PPHLN1: variants seen among roughly 807,000 people sequenced by gnomAD.
PPHLN1 encodes the protein periphilin 1, also known as periphilin-1.
In PPHLN1, 29 loss-of-function variants were observed where a neutral mutation model predicts 51.3. The ratio of observed to expected loss-of-function variants is 0.57; its 90% CI spans 0.42 to 0.77. The LOEUF (loss-of-function observed/expected upper bound fraction) is 0.77, where lower values mean the gene tolerates loss of function less well. Ranked by LOEUF, PPHLN1 falls within the 30% of genes least tolerant of loss-of-function variation. PPHLN1 has a pLI of 0.00. For synonymous variants in PPHLN1, 147 were observed against 147.8 expected (o/e 0.99, Z 0.04); for missense variants, 436 against 438.4 (o/e 0.99, Z 0.05).
At chr12:42,342,288 C>G (rs1307212877) in intron 2 of PPHLN1, among the ~76,000 whole-genome samples, 1 of 152,142 alleles carries the variant, frequency 6.6e-6, no homozygotes, top group Non-Finnish European at 1.5e-5. Context: ...CAGGGTCTTG[C>G]TATGTCATCC....
At chr12:42,361,409 T>C (rs954845801) in intron 4 of PPHLN1, 1 of 152,228 alleles carries the variant, frequency 6.6e-6, no homozygotes, top group Admixed American at 6.5e-5. Flanking sequence ...TAATGGGTGG[T>C]TAGCCCATTC....
At chr12:42,425,408 A>G (rs1165464487) in intron 9 of PPHLN1, among the ~76,000 whole-genome samples, 1 of 128,062 alleles carries the variant, frequency 7.8e-6, no homozygotes, top group Non-Finnish European at 1.6e-5. Flanking sequence ...TTTTATTGAG[A>G]TGGAGTCTTG....
At position 42,351,726 on chromosome 12, in the gene PPHLN1, AC is replaced by A. The variant is rs147156221; in HGVS notation, c.73-157del. Among the ~76,000 whole-genome samples, 1,138 of 152,254 alleles carry A rather than the reference AC, an allele frequency of 7.5e-3. 37 individuals are homozygous for A. The East Asian group carries it at 0.11, about 14-fold the overall frequency. On this transcript the variant is annotated intron_variant, in intron 2 of 9. Transcript: ENST00000358314. ...TTGATTTCCTTTAATCCATGTGAAG[AC>A]CTTAGTATTAGTTATATTTATGTTA...
chr12:42,399,193 T>G, intron 9 of PPHLN1, 199 bp downstream of exon 9: 1 of 1,231,720 alleles, frequency 8.1e-7, no homozygotes, highest in Non-Finnish European at 1.0e-6. Flanking sequence ...TGTTTATTTT[T>G]AAATAAAAAA....
At chr12:42,445,263 T>A (rs1206437000), downstream of PPHLN1, 3 of 597,176 alleles carry the variant, frequency 5.0e-6, no homozygotes, top group Non-Finnish European at 8.9e-6. Flanking sequence ...ATCACATCAA[T>A]TTTTCCACCA....
intron 9 of PPHLN1, among the ~76,000 whole-genome samples, chr12:42,421,719 A>G (rs2081025073): frequency 6.6e-6 from 1 of 152,196 alleles, no homozygotes; most frequent in South Asian, 2.1e-4. Flanking sequence ...GGCATATGAG[A>G]GAAGGTAAAA....
intron 2 of PPHLN1, chr12:42,350,228 C>T (rs1277308022): frequency 1.3e-5 from 2 of 150,016 alleles, no homozygotes; most frequent in Non-Finnish European, 1.4e-5. Flanking sequence ...CGGGCAGAGG[C>T]GCTCCTCACC....
Position 42,328,567 on chromosome 12 carries a change from A to C in PPHLN1, c.-21+2338A>C, listed in dbSNP as rs76165505. Among the ~76,000 whole-genome samples, 550 of 152,324 alleles carry C rather than the reference A, an allele frequency of 3.6e-3. 5 individuals are homozygous for C. The highest frequency in any genetic ancestry group is 0.013 in the African/African-American group (533 of 41,574). ...TCTGGCATTTTTGTTTACTTGTGTA[A>C]TTTCAGTTAATTGATCAATTATAAT... On this transcript the variant is annotated intron_variant, in intron 1 of 9. Coordinates refer to ENST00000358314, the MANE Select transcript of PPHLN1 (RefSeq NM_201439.2).
At chr12:42,350,003 A>AC (rs1021026589) in intron 2 of PPHLN1, among the ~76,000 whole-genome samples, 9 of 144,138 alleles carry the variant, frequency 6.2e-5, no homozygotes, top group African/African-American at 7.9e-5. Context: ...GGGCCCTCCC[A>AC]CCCCCCAGAG....
Position 42,413,526 on chromosome 12 carries a change from A to ATGTGTGTG in PPHLN1, c.909+14570_909+14577dup, listed in dbSNP as rs71084648. 5.6e-3 allele frequency among the ~76,000 whole-genome samples: 770 copies of ATGTGTGTG among 136,586 alleles called. 4 individuals carry two copies. The highest frequency in any genetic ancestry group is 9.7e-3 in the East Asian group (46 of 4,740). 89.6% of individuals were successfully genotyped at this position (136,586 alleles called of 152,430 possible). A position where few individuals can be genotyped will look rare whatever the true frequency, so the allele number is the denominator to read the frequency against. On this transcript the variant is annotated intron_variant, in intron 9 of 9. Coordinates refer to ENST00000358314, the MANE Select transcript of PPHLN1 (RefSeq NM_201439.2). ...TGTTTTGATAACTATATATATGTATATGTGTGTGTGTGTGTGTGTGTGTGT... is the reference window on the plus strand; with the variant it reads ...TGTTTTGATAACTATATATATGTATATGTGTGTGTGTGTGTGTGTGTGTGTGTGTGTGT...
At chr12:42,394,760 T>G (rs2078050240) in intron 8 of PPHLN1, among the ~76,000 whole-genome samples, 1 of 152,066 alleles carries the variant, frequency 6.6e-6, no homozygotes, top group African/African-American at 2.4e-5. Flanking sequence ...TTGGTACTTT[T>G]CCAGCACTAT....
Position 42,379,645 on chromosome 12 carries a change from T to C in PPHLN1, c.511+4571T>C, listed in dbSNP as rs539191114. Among the ~76,000 whole-genome samples, 16 of 152,166 alleles carry C rather than the reference T, an allele frequency of 1.1e-4. No individual in the cohort carries two copies. The South Asian group carries it at 3.3e-3, about 32-fold the overall frequency. On this transcript the variant is annotated intron_variant, in intron 5 of 9. Transcript: ENST00000358314. ...AAGCCTAAGCTATTTTCACATATAA[T>C]ACCATTAAACAAAATGCCTCTTAGG...
chr12:42,399,590 T>C (rs1258961351), intron 9 of PPHLN1: 1 of 225,458 alleles, frequency 4.4e-6, no homozygotes, highest in African/African-American at 2.3e-5. Flanking sequence ...CTCTAGTGCG[T>C]TGAATAAATG....
At chr12:42,330,966 C>T (rs2069640498) in intron 1 of PPHLN1, among the ~76,000 whole-genome samples, 1 of 152,210 alleles carries the variant, frequency 6.6e-6, no homozygotes, top group Admixed American at 6.5e-5. Flanking sequence ...GCCTCGGCCT[C>T]CCAAAGTGCT....
intron 4 of PPHLN1, among the ~76,000 whole-genome samples, chr12:42,362,987 C>G (rs1324326718): frequency 6.6e-6 from 1 of 152,118 alleles, no homozygotes; most frequent in Non-Finnish European, 1.5e-5. Context: ...GTTCAGTGTT[C>G]CTCAGTTGTG....
At position 42,385,102 on chromosome 12, in the gene PPHLN1, T is replaced by C. The variant is rs751438265; in HGVS notation, c.568+106T>C. ...AGTGTATAACTGCTCCATTAGTCTA[T>C]TGTGAGAACCACAGTTAGCAGTAGA... is the stretch of plus-strand genomic sequence containing the variant. On this transcript the variant is annotated intron_variant, in intron 6 of 9. Coordinates refer to ENST00000358314, the MANE Select transcript of PPHLN1 (RefSeq NM_201439.2). 22 of 1,212,940 alleles carry C rather than the reference T, an allele frequency of 1.8e-5. No homozygotes were observed. In the South Asian group the frequency reaches 2.8e-4, roughly 15 times the overall value. 75.1% of individuals were successfully genotyped at this position (1,212,940 alleles called of 1,614,324 possible). A position where few individuals can be genotyped will look rare whatever the true frequency, so the allele number is the denominator to read the frequency against.
chr12:42,439,793 G>A (rs2082791269), intron 9 of PPHLN1, among the ~76,000 whole-genome samples: 2 of 152,210 alleles, frequency 1.3e-5, no homozygotes, highest in African/African-American at 4.8e-5. Flanking sequence ...CCAAAGTGCT[G>A]GGATTACAGG....
chr12:42,329,077 A>C (rs1424551318), intron 1 of PPHLN1, among the ~76,000 whole-genome samples: 2 of 147,538 alleles, frequency 1.4e-5, no homozygotes, highest in Non-Finnish European at 3.0e-5. Context: ...ATTTATGTTT[A>C]GTTGTCTGGA....
At chr12:42,390,769 G>A (rs2077620427) in intron 7 of PPHLN1, among the ~76,000 whole-genome samples, 1 of 150,254 alleles carries the variant, frequency 6.7e-6, no homozygotes. Flanking sequence ...GCCAAAGATT[G>A]GATGCCCCTG....
Sources: gnomAD v4.1 joint callset for allele counts (sites outside exome capture counted in the v4.1 genomes callset) on GRCh38, gnomAD v4.1.1 for gene constraint, MANE v1.5 for transcripts, NCBI Gene and HGNC (gene_info 2026-07-23, HGNC 2026-07-21) for gene names.